GRAP2: variants seen among roughly 807,000 people sequenced by gnomAD.
GRAP2 encodes the protein GRB2 related adaptor protein 2.
Under a neutral mutation model 43.5 loss-of-function variants are expected in GRAP2, and 31 were observed. That is an observed-to-expected ratio of 0.71 (90% CI 0.54 to 0.96). GRAP2 has a LOEUF of 0.96. Ranked by LOEUF, GRAP2 falls within the 40% of genes least tolerant of loss-of-function variation. The probability of loss-of-function intolerance (pLI) is 0.00; values close to 1 mark genes in which losing one functional copy is unlikely to be tolerated. For missense variants in GRAP2, 371 were observed against 424.4 expected, an observed-to-expected ratio of 0.87 and a Z score of 1.11; for synonymous variants, 156 against 164.8, an observed-to-expected ratio of 0.95 and a Z score of 0.41.
upstream of GRAP2, among the ~76,000 whole-genome samples, chr22:39,897,006 C>A (rs1453573164): frequency 6.6e-6 from 1 of 152,212 alleles, no homozygotes; most frequent in Non-Finnish European, 1.5e-5. Context: ...GGAGCCCATT[C>A]TCTAACCTCT....
chr22:39,931,031 C>G (rs2066750548), intron 1 of GRAP2, among the ~76,000 whole-genome samples: 1 of 152,202 alleles, frequency 6.6e-6, no homozygotes, highest in African/African-American at 2.4e-5. Flanking sequence ...GCTGATCTCA[C>G]TGGTTTGGCT....
chr22:39,941,431 T>C (rs1204954044), intron 1 of GRAP2, among the ~76,000 whole-genome samples: 1 of 152,286 alleles, frequency 6.6e-6, no homozygotes, highest in East Asian at 1.9e-4. Flanking sequence ...ACTACAACTT[T>C]TCCCCTTAAG....
intron 1 of GRAP2, among the ~76,000 whole-genome samples, chr22:39,906,241 C>T (rs537151159): frequency 6.6e-6 from 1 of 152,228 alleles, no homozygotes. Context: ...TACCATAAAA[C>T]GCAAGAGTAT....
intron 1 of GRAP2, among the ~76,000 whole-genome samples, chr22:39,925,196 C>A (rs778953765): frequency 6.6e-6 from 1 of 152,136 alleles, no homozygotes; most frequent in Non-Finnish European, 1.5e-5. Context: ...TTTTGAGAAA[C>A]TAAATCTAGC....
At chr22:39,962,816 G>A (rs149120905) in intron 4 of GRAP2, among the ~76,000 whole-genome samples, 4 of 152,096 alleles carry the variant, frequency 2.6e-5, no homozygotes, top group Admixed American at 2.0e-4. Context: ...GCACCACCAC[G>A]CCTGGCTAAT....
chr22:39,953,363 AGTCTC>A (rs1237584490), intron 2 of GRAP2, among the ~76,000 whole-genome samples: 2 of 151,974 alleles, frequency 1.3e-5, no homozygotes, highest in African/African-American at 4.8e-5. Context: ...CCACCTACTC[AGTCTC>A]CCAAGCCAGA....
In GRAP2 at chr22:39,972,687, T is replaced by C. The variant is rs1026061229; in HGVS notation, c.*1603T>C. 1 of 152,162 alleles carries C rather than the reference T, an allele frequency of 6.6e-6. No homozygotes were observed. Among genetic ancestry groups the C allele is most frequent in the African/African-American group, 2.4e-5 (1 of 41,414 alleles). The allele number at this position is 152,162 out of a possible 1,614,324, so 9.4% of individuals were successfully genotyped here. On this transcript the variant is annotated 3_prime_UTR_variant, in exon 8 of 8. Transcript: ENST00000344138. Reference sequence around the variant, plus strand: ...GCACAAGCAGTGTCCCTTGTGACTGTGATTCTACAGTTCTCTGATCCTCAT... The same window carrying C: ...GCACAAGCAGTGTCCCTTGTGACTGCGATTCTACAGTTCTCTGATCCTCAT...
intron 4 of GRAP2, chr22:39,964,281 C>T (rs895814508): frequency 6.2e-6 from 4 of 643,304 alleles, no homozygotes; most frequent in Non-Finnish European, 1.1e-5. Context: ...CGAATGTGTC[C>T]CATCACTTGT....
intron 1 of GRAP2, among the ~76,000 whole-genome samples, chr22:39,928,174 T>C (rs2066723825): frequency 6.6e-6 from 1 of 152,162 alleles, no homozygotes; most frequent in Non-Finnish European, 1.5e-5. Flanking sequence ...ATGAAACACC[T>C]CTTTTTTTTT....
intron 1 of GRAP2, among the ~76,000 whole-genome samples, chr22:39,941,588 A>G (rs2066871766): frequency 6.6e-6 from 1 of 152,222 alleles, no homozygotes; most frequent in African/African-American, 2.4e-5. Context: ...TGAAAAAAAT[A>G]TCAAAAGAAT....
At chr22:39,949,520 T>C (rs1034517520) in intron 2 of GRAP2, among the ~76,000 whole-genome samples, 1 of 152,196 alleles carries the variant, frequency 6.6e-6, no homozygotes, top group Admixed American at 6.5e-5. Context: ...TCTGAATGTA[T>C]TTTTTTCCTC....
At chr22:39,920,984 A>G (rs1030897936) in intron 1 of GRAP2, among the ~76,000 whole-genome samples, 7 of 144,134 alleles carry the variant, frequency 4.9e-5, no homozygotes, top group Non-Finnish European at 1.0e-4. Flanking sequence ...ACACACACAC[A>G]CACACAATCT....
the GRAP2 span, chr22:39,893,917 C>G: frequency 6.6e-5 from 10 of 151,444 alleles, no homozygotes; most frequent in Non-Finnish European, 1.5e-5. Context: ...CACAGGCTGC[C>G]GGGCTGTGAC....
At chr22:39,969,055 T>C (rs566863876) in intron 6 of GRAP2, among the ~76,000 whole-genome samples, 8 of 152,210 alleles carry the variant, frequency 5.3e-5, no homozygotes. Context: ...ATTTCTTCTC[T>C]CTGCTCACTT....
At chr22:39,895,831 G>A in the GRAP2 span, among the ~76,000 whole-genome samples, 1 of 152,328 alleles carries the variant, frequency 6.6e-6, no homozygotes, top group South Asian at 2.1e-4. Flanking sequence ...TGTTACGGGA[G>A]TGAAAGGGGG....
At chr22:39,924,075 T>A (rs2066677205) in intron 1 of GRAP2, among the ~76,000 whole-genome samples, 1 of 152,226 alleles carries the variant, frequency 6.6e-6, no homozygotes, top group South Asian at 2.1e-4. Context: ...TTAAACCATC[T>A]CTACTTTCAG....
chr22:39,969,549 T>C lies in GRAP2; in HGVS notation c.813+16T>C. 6.2e-7 allele frequency: 1 copy of C among 1,613,088 alleles called. No homozygotes were observed. Among genetic ancestry groups the C allele is most frequent in the South Asian group, 1.1e-5 (1 of 91,062 alleles). On this transcript the variant is annotated intron_variant, in intron 7 of 7. Coordinates refer to ENST00000344138, the MANE Select transcript of GRAP2 (RefSeq NM_004810.4). ...GGCGGCAGGGGTATGGGAACTGTCC[T>C]TCTCTGGGATCCCTGGGGAAAGGCC...
intron 1 of GRAP2, among the ~76,000 whole-genome samples, chr22:39,933,911 C>T (rs1333105413): frequency 1.3e-5 from 2 of 151,762 alleles, no homozygotes; most frequent in Non-Finnish European, 2.9e-5. Flanking sequence ...TTTGCTCTGT[C>T]AAGCAAGGAG....
intron 4 of GRAP2, chr22:39,964,486 A>G: frequency 9.7e-7 from 1 of 1,028,826 alleles, no homozygotes; most frequent in Non-Finnish European, 1.5e-6. Context: ...AGAGGAGCAG[A>G]AGAAACTCGA....
Sources: allele counts gnomAD v4.1 joint callset (sites outside exome capture counted in the v4.1 genomes callset), GRCh38; gene constraint gnomAD v4.1.1; transcripts MANE v1.5; gene names NCBI Gene and HGNC (gene_info 2026-07-23, HGNC 2026-07-21).